The following RAB43 variants were observed in gnomAD, a reference collection of about 807,000 sequenced individuals.
RAB43 encodes RAB43, member RAS oncogene family.
In RAB43, 6 loss-of-function variants were observed where a neutral mutation model predicts 18.8. The ratio of observed to expected loss-of-function variants is 0.32; its 90% CI spans 0.17 to 0.63. The LOEUF (loss-of-function observed/expected upper bound fraction) is 0.63. Among genes scored for constraint, RAB43 ranks in the 30% least tolerant of loss-of-function variants. RAB43 has a pLI of 0.79. For missense variants in RAB43, 195 were observed against 289.1 expected (o/e 0.67, Z 2.36); for synonymous variants, 103 against 124.1 (o/e 0.83, Z 1.13).
intron 1 of RAB43, among the ~76,000 whole-genome samples, chr3:129,100,835 C>T (rs1350654944): frequency 1.3e-5 from 2 of 152,132 alleles, no homozygotes; most frequent in African/African-American, 4.8e-5. Context: ...TGAGACGAGT[C>T]TCGCTCTGTC....
intron 2 of RAB43, among the ~76,000 whole-genome samples, chr3:129,094,351 T>A (rs1284231157): frequency 6.6e-6 from 1 of 152,066 alleles, no homozygotes; most frequent in Non-Finnish European, 1.5e-5. Flanking sequence ...TGGACCCGGA[T>A]AAATCACTGC....
intron 1 of RAB43, among the ~76,000 whole-genome samples, chr3:129,109,721 G>C (rs1020614874): frequency 6.6e-6 from 1 of 151,442 alleles, no homozygotes; most frequent in South Asian, 2.1e-4. Context: ...CAGCCCAGGC[G>C]ACAGTGAGAG....
chr3:129,105,028 T>C (rs1934672181), intron 1 of RAB43, among the ~76,000 whole-genome samples: 1 of 152,120 alleles, frequency 6.6e-6, no homozygotes, highest in South Asian at 2.1e-4. Flanking sequence ...TCCATCTAAG[T>C]CAAAATGTCC....
At chr3:129,104,614 G>A (rs1934634866) in intron 1 of RAB43, among the ~76,000 whole-genome samples, 1 of 152,226 alleles carries the variant, frequency 6.6e-6, no homozygotes, top group South Asian at 2.1e-4. Flanking sequence ...GGCTGCAAGG[G>A]TTTCAGTCCT....
At chr3:129,103,128 G>A (rs926970250) in intron 1 of RAB43, among the ~76,000 whole-genome samples, 3 of 152,208 alleles carry the variant, frequency 2.0e-5, no homozygotes, top group African/African-American at 4.8e-5. Context: ...GCATCCCAAC[G>A]CAGAGTCCTG....
intron 1 of RAB43, among the ~76,000 whole-genome samples, chr3:129,099,870 G>A (rs1346416150): frequency 2.6e-5 from 4 of 152,110 alleles, no homozygotes; most frequent in African/African-American, 7.2e-5. Flanking sequence ...GAATAAAATC[G>A]GAAGGATATG....
At chr3:129,111,993 A>G (rs1385612550) in intron 1 of RAB43, among the ~76,000 whole-genome samples, 1 of 152,194 alleles carries the variant, frequency 6.6e-6, no homozygotes, top group East Asian at 1.9e-4. Flanking sequence ...CACACCTGTA[A>G]TCCTAGCACT....
chr3:129,118,525 C>T (rs1935696640), intron 1 of RAB43, among the ~76,000 whole-genome samples: 1 of 152,112 alleles, frequency 6.6e-6, no homozygotes. Context: ...TACCTCCAAG[C>T]TCACAGGAGC....
intron 1 of RAB43, among the ~76,000 whole-genome samples, chr3:129,106,462 G>A (rs1248835215): frequency 1.3e-5 from 2 of 152,190 alleles, no homozygotes; most frequent in African/African-American, 2.4e-5. Context: ...TGGTCCTCCA[G>A]GGAAAGGTTT....
chr3:129,103,614 G>A (rs995404260), intron 1 of RAB43, among the ~76,000 whole-genome samples: 4 of 151,730 alleles, frequency 2.6e-5, no homozygotes, highest in Admixed American at 2.6e-4. Context: ...ACTCAGGCTG[G>A]AGTGCAGTGG....
chr3:129,093,846 G>A (rs1489028438), intron 2 of RAB43, among the ~76,000 whole-genome samples: 1 of 152,038 alleles, frequency 6.6e-6, no homozygotes, highest in Non-Finnish European at 1.5e-5. Flanking sequence ...GCTTGAACCA[G>A]GGAGACAGAG....
Position 129,095,721 on chromosome 3 carries a change from T to A in RAB43, c.205-552A>T, listed in dbSNP as rs1379769774. Among the ~76,000 whole-genome samples the A allele has an allele frequency of 6.6e-6, 1 of 152,136 alleles. No individual in the cohort carries two copies. The highest frequency in any genetic ancestry group is 1.5e-5 in the Non-Finnish European group (1 of 68,012). ...AGAGTCCTCCCATGGGGCCTTTAAG[T>A]ACAAGGCAGTTTCCACCAGCTGACC... is the stretch of plus-strand genomic sequence containing the variant. On this transcript the variant is annotated intron_variant, in intron 1 of 2. Transcript: ENST00000315150. The surrounding 1 kb of genome is among the most constrained non-coding windows in gnomAD (Gnocchi z 4.2).
rs911362086 is a variant in RAB43, at chr3:129,121,657, CCCCGCCCCACCCCGGCTGGCT to C, written c.-189_-169del. 3.1e-5 allele frequency: 14 copies of C among 453,656 alleles called. No homozygotes were observed. Among genetic ancestry groups the C allele is most frequent in the African/African-American group, 2.3e-4 (11 of 48,404 alleles). The allele number at this position is 453,656 out of a possible 1,614,324, so 28.1% of individuals were successfully genotyped here. ...TGCCGACCGCCTGCCTCGGCCTCGG[CCCCGCCCCACCCCGGCTGGCT>C]CCCGCCCCGGCCCGGCTCGGCCCCG... On this transcript the variant is annotated 5_prime_UTR_variant, in exon 1 of 3. Coordinates refer to ENST00000315150, the MANE Select transcript of RAB43 (RefSeq NM_198490.3).
At chr3:129,105,890 C>A (rs1250545241) in intron 1 of RAB43, among the ~76,000 whole-genome samples, 1 of 152,176 alleles carries the variant, frequency 6.6e-6, no homozygotes, top group African/African-American at 2.4e-5. Context: ...CCTCTCTTGC[C>A]ATCAGGAATG....
chr3:129,113,059 G>A lies in RAB43; in HGVS notation c.204+8227C>T, dbSNP rs147446288. 5.2e-3 allele frequency among the ~76,000 whole-genome samples: 793 copies of A among 152,098 alleles called. 3 individuals are homozygous for A. Among genetic ancestry groups the A allele is most frequent in the African/African-American group, 0.018 (747 of 41,512 alleles). On this transcript the variant is annotated intron_variant, in intron 1 of 2. Coordinates refer to ENST00000315150, the MANE Select transcript of RAB43 (RefSeq NM_198490.3). The stretch of plus-strand genomic sequence containing the variant: ...AAGTTTCTGAACACAGCATCACAGC[G>A]GATGAAACCTTCGGGAAATGCATAT...
chr3:129,108,530 G>A (rs1934936730), intron 1 of RAB43, among the ~76,000 whole-genome samples: 1 of 152,192 alleles, frequency 6.6e-6, no homozygotes, highest in Non-Finnish European at 1.5e-5. Context: ...CTAGAACAGT[G>A]CCTGGGAGAG....
rs531524378 is a variant in RAB43, at chr3:129,107,356, G to A, written c.205-12187C>T. 2.0e-5 allele frequency among the ~76,000 whole-genome samples: 3 copies of A among 152,184 alleles called. No homozygotes were observed. The highest frequency in any genetic ancestry group is 7.2e-5 in the African/African-American group (3 of 41,528). On this transcript the variant is annotated intron_variant, in intron 1 of 2. Transcript: ENST00000315150. This position sits in a 1 kb window ranked among gnomAD's most constrained non-coding sequence, Gnocchi z 4.2. ...GAGAAAAAGGTGCACTGTGGGAAACGACCCTGGCCTCTGGCCAACAAGTCC... is the reference window on the plus strand; with the variant it reads ...GAGAAAAAGGTGCACTGTGGGAAACAACCCTGGCCTCTGGCCAACAAGTCC...
rs772343056 is a variant in RAB43, at chr3:129,095,227, C to T, written c.205-58G>A. ...GGCACAGGCTGAACATGGGGACAGG[C>T]AGAGTGACCCCACAGACCCACACCC... On this transcript the variant is annotated intron_variant, in intron 1 of 2. Transcript: ENST00000315150. The surrounding 1 kb of genome is among the most constrained non-coding windows in gnomAD (Gnocchi z 4.2). 6.4e-7 allele frequency: 1 copy of T among 1,573,854 alleles called. No individual in the cohort carries two copies. Among genetic ancestry groups the T allele is most frequent in the African/African-American group, 1.3e-5 (1 of 74,292 alleles).
Position 129,090,983 on chromosome 3 carries a change from C to T in RAB43, c.*113G>A. The T allele has an allele frequency of 1.6e-6, 1 of 625,208 alleles. No individual in the cohort carries two copies. The highest frequency in any genetic ancestry group is 2.8e-6 in the Non-Finnish European group (1 of 360,422). The allele number at this position is 625,208 out of a possible 1,614,324, so 38.7% of individuals were successfully genotyped here. A position where few individuals can be genotyped will look rare whatever the true frequency, so the allele number is the denominator to read the frequency against. ...CAGGATGCAGAGCTCCAGAGCTTCA[C>T]CCGGCTGCTGTAGTTGCCGGTACCC... On this transcript the variant is annotated 3_prime_UTR_variant, in exon 3 of 3. Coordinates refer to ENST00000315150, the MANE Select transcript of RAB43 (RefSeq NM_198490.3).
Sources: allele counts gnomAD v4.1 joint callset (sites outside exome capture counted in the v4.1 genomes callset), GRCh38; gene constraint gnomAD v4.1.1; non-coding constraint Gnocchi (gnomAD v3.1); transcripts MANE v1.5; gene names NCBI Gene and HGNC (gene_info 2026-07-23, HGNC 2026-07-21).